Variants in ACSM1 observed in about 807,000 individuals in gnomAD.
The protein encoded by ACSM1 is acyl-CoA synthetase medium chain family member 1, also known as acyl-coenzyme A synthetase ACSM1, mitochondrial.
Under a neutral mutation model 75.8 loss-of-function variants are expected in ACSM1, and 79 were observed. The ratio of observed to expected loss-of-function variants is 1.04; its 90% CI spans 0.87 to 1.26. The LOEUF is 1.26. Ranked by LOEUF, ACSM1 falls within the 50% of genes most tolerant of loss-of-function variation. The pLI, the probability that ACSM1 is intolerant of heterozygous loss-of-function variation, is 0.00. For synonymous variants in ACSM1, 279 were observed against 265.8 expected, an observed-to-expected ratio of 1.05 and a Z score of -0.48; for missense variants, 676 against 720.1, an observed-to-expected ratio of 0.94 and a Z score of 0.70.
intron 4 of ACSM1, among the ~76,000 whole-genome samples, chr16:20,675,557 A>T (rs1338305431): frequency 6.6e-6 from 1 of 152,084 alleles, no homozygotes; most frequent in African/African-American, 2.4e-5. Context: ...ATGGAAACCA[A>T]CTCCTTTTGG....
chr16:20,641,667 C>T (rs531668920), intron 7 of ACSM1, among the ~76,000 whole-genome samples: 1 of 152,184 alleles, frequency 6.6e-6, no homozygotes, highest in African/African-American at 2.4e-5. Context: ...TCTTGATGGC[C>T]CCCTGGTCCC....
At chr16:20,635,041 A>G (rs548492659) in intron 10 of ACSM1, among the ~76,000 whole-genome samples, 30 of 152,148 alleles carry the variant, frequency 2.0e-4, no homozygotes, top group Non-Finnish European at 4.0e-4. Context: ...CATTTCATGG[A>G]TACGTAGGTG....
rs368086758 is a variant in ACSM1 at position 20,643,497 on chromosome 16, C to T, written c.993-2913G>A. Among the ~76,000 whole-genome samples the T allele has an allele frequency of 9.9e-4, 151 of 152,294 alleles. 3 individuals are homozygous for T. The South Asian group carries it at 0.031, about 31-fold the overall frequency. ...TGGTGTGTCCAGAGTTTGTTCCTCC[C>T]AGTGGGTTCATGGTCTCACTGACTT... On this transcript the variant is annotated intron_variant, in intron 7 of 13. Coordinates refer to ENST00000520010, the MANE Select transcript of ACSM1 (RefSeq NM_001318890.3).
At chr16:20,658,848 C>T (rs751644918) in intron 7 of ACSM1, among the ~76,000 whole-genome samples, 2 of 152,054 alleles carry the variant, frequency 1.3e-5, no homozygotes, top group African/African-American at 2.4e-5. Context: ...ATGTTGGTCC[C>T]GTAATTTCCA....
At chr16:20,662,203 A>G (rs1384195591) in intron 6 of ACSM1, among the ~76,000 whole-genome samples, 1 of 152,166 alleles carries the variant, frequency 6.6e-6, no homozygotes, top group Non-Finnish European at 1.5e-5. Flanking sequence ...GGAGAGGGAA[A>G]TACTCTTTCT....
chr16:20,630,077 CT>C (rs1467856362), intron 10 of ACSM1, among the ~76,000 whole-genome samples: 3 of 148,502 alleles, frequency 2.0e-5, no homozygotes, highest in Non-Finnish European at 3.0e-5. Flanking sequence ...CAAAAGAGAG[CT>C]TGGGTTGTGG....
At chr16:20,650,307 G>A (rs2018577793) in intron 7 of ACSM1, among the ~76,000 whole-genome samples, 1 of 152,118 alleles carries the variant, frequency 6.6e-6, no homozygotes, top group Non-Finnish European at 1.5e-5. Context: ...ATGAGAGACT[G>A]AGTTTTTCTG....
At chr16:20,659,876 T>A (rs1193626337) in intron 7 of ACSM1, among the ~76,000 whole-genome samples, 1 of 152,212 alleles carries the variant, frequency 6.6e-6, no homozygotes, top group African/African-American at 2.4e-5. Context: ...GGTCTTCAGA[T>A]AAACTAATCA....
intron 7 of ACSM1, among the ~76,000 whole-genome samples, chr16:20,659,412 T>A (rs1398511375): frequency 6.6e-6 from 1 of 152,128 alleles, no homozygotes; most frequent in African/African-American, 2.4e-5. Context: ...AGGACTGAGC[T>A]CTGATTTTTA....
chr16:20,668,814 A>C (rs2019715988), intron 6 of ACSM1, among the ~76,000 whole-genome samples: 1 of 152,196 alleles, frequency 6.6e-6, no homozygotes, highest in Admixed American at 6.5e-5. Flanking sequence ...AAGGTGGAAA[A>C]GATGGGTTGA....
At chr16:20,693,642 T>C (rs1305924876) in intron 1 of ACSM1, among the ~76,000 whole-genome samples, 1 of 152,236 alleles carries the variant, frequency 6.6e-6, no homozygotes, top group Admixed American at 6.5e-5. Flanking sequence ...TGGCTGGAGC[T>C]GAGAATTGTC....
chr16:20,674,497 TG>T (rs1352357902), intron 4 of ACSM1: 2 of 156,556 alleles, frequency 1.3e-5, no homozygotes, highest in Non-Finnish European at 2.8e-5. Context: ...CTCTTTGTTC[TG>T]GGCTCAGTCC....
In ACSM1 at chr16:20,624,356, C is replaced by A. The variant is rs2016788012; in HGVS notation, c.1528-141G>T. ...GAAAAGGAGAGGACCAGGTGTAAATCCCTGTGTTTCCAATTCCCACTCCAT... is the reference window on the plus strand; with the variant it reads ...GAAAAGGAGAGGACCAGGTGTAAATACCTGTGTTTCCAATTCCCACTCCAT... On this transcript the variant is annotated intron_variant, in intron 12 of 13. Coordinates refer to ENST00000520010, the MANE Select transcript of ACSM1 (RefSeq NM_001318890.3). The A allele has an allele frequency of 6.0e-6, 6 of 1,005,440 alleles. No individual in the cohort carries two copies. The African/African-American group carries it at 1.0e-4, about 17-fold the overall frequency. The allele number at this position is 1,005,440 out of a possible 1,614,324, so 62.3% of individuals were successfully genotyped here. A position where few individuals can be genotyped will look rare whatever the true frequency, so the allele number is the denominator to read the frequency against.
chr16:20,682,658 A>G (rs2079471503), intron 3 of ACSM1, among the ~76,000 whole-genome samples, 195 bp from the exon 4 acceptor site: 1 of 152,196 alleles, frequency 6.6e-6, no homozygotes, highest in East Asian at 1.9e-4. Flanking sequence ...TCTGCATCTT[A>G]ACAAGTTTTC....
At chr16:20,686,697 C>T (rs940820504) in intron 2 of ACSM1, among the ~76,000 whole-genome samples, 9 of 151,860 alleles carry the variant, frequency 5.9e-5, no homozygotes, top group African/African-American at 2.2e-4. Flanking sequence ...ACCTGTGGTC[C>T]CAGCTACTTG....
At chr16:20,627,371 C>A in intron 10 of ACSM1, 55 bp from the exon 11 acceptor site, 1 of 1,512,276 alleles carries the variant, frequency 6.6e-7, no homozygotes. Flanking sequence ...AGGTGATGAG[C>A]CACAACCTTG....
intron 9 of ACSM1, 38 bp downstream of exon 9, chr16:20,637,333 G>C (rs766307857): frequency 6.4e-7 from 1 of 1,569,518 alleles, no homozygotes; most frequent in Non-Finnish European, 8.8e-7. Context: ...CCCCCGCTGA[G>C]CCCTAACTGC....
chr16:20,637,597 G>A (rs2017802437), intron 8 of ACSM1, 146 bp from the exon 9 acceptor site: 4 of 722,514 alleles, frequency 5.5e-6, no homozygotes, highest in South Asian at 5.0e-5. Context: ...AGGGAAGCTG[G>A]AAGGCCTTAG....
intron 7 of ACSM1, 107 bp downstream of exon 7, chr16:20,661,687 C>G: frequency 1.3e-6 from 1 of 767,306 alleles, no homozygotes; most frequent in Non-Finnish European, 2.1e-6. Flanking sequence ...ACTTAACACA[C>G]AAACACACAC....
Sources: allele counts gnomAD v4.1 joint callset (sites outside exome capture counted in the v4.1 genomes callset), GRCh38; gene constraint gnomAD v4.1.1; transcripts MANE v1.5; gene names NCBI Gene and HGNC (gene_info 2026-07-23, HGNC 2026-07-21).